Variants in FAAH2 observed in about 807,000 individuals in gnomAD.
FAAH2 encodes fatty-acid amide hydrolase 2.
In FAAH2, 60 loss-of-function variants were observed where a neutral mutation model predicts 36.9. The observed-to-expected ratio is 1.63, with a 90% CI of 1.32 to 2.02. The LOEUF (loss-of-function observed/expected upper bound fraction) is 2.02, where lower values mean the gene tolerates loss of function less well. FAAH2 is among the 30% of genes most tolerant of loss of function. The probability of loss-of-function intolerance (pLI) is 0.00; values close to 1 mark genes in which losing one functional copy is unlikely to be tolerated. For missense variants in FAAH2, 689 were observed against 397.5 expected (o/e 1.73, Z -6.23); for synonymous variants, 214 against 143.8 (o/e 1.49, Z -3.49).
At chrX:57,215,847 G>A in the FAAH2 span, among the ~76,000 whole-genome samples, 2 of 105,106 alleles carry the variant, frequency 1.9e-5, no homozygotes, top group East Asian at 6.1e-4. Context: ...AGAGCATCAG[G>A]ACAAATAGCT....
rs1334204785 is a variant in FAAH2 at position 57,441,156 on chromosome X, A to G, written c.1117-5772A>G. On this transcript the variant is annotated intron_variant, in intron 8 of 10. Coordinates refer to ENST00000374900, the MANE Select transcript of FAAH2 (RefSeq NM_174912.4). ...GGGAGGATTCCCTCTTTTTCTATTG[A>G]TTGGAATAGTTTCAGAGGGAATGGT... is the stretch of plus-strand genomic sequence containing the variant. 2.7e-5 allele frequency among the ~76,000 whole-genome samples: 3 copies of G among 111,433 alleles called. No homozygotes were observed. In the East Asian group the frequency reaches 8.4e-4, roughly 31 times the overall value.
At chrX:57,164,951 A>G in the FAAH2 span, among the ~76,000 whole-genome samples, 4 of 112,592 alleles carry the variant, frequency 3.6e-5, no homozygotes, top group South Asian at 3.6e-4. Context: ...CATAAGCATA[A>G]TAGCCATACG....
At chrX:57,208,186 G>A in the FAAH2 span, among the ~76,000 whole-genome samples, 1 of 112,310 alleles carries the variant, frequency 8.9e-6, no homozygotes, top group Non-Finnish European at 1.9e-5. Context: ...GAAAGATCTG[G>A]AGGGTCAGGC....
intron 7 of FAAH2, chrX:57,392,611 A>G (rs976632514): frequency 1.0e-5 from 8 of 794,644 alleles, no homozygotes; most frequent in Non-Finnish European, 1.1e-5. Flanking sequence ...CAGATTTTCA[A>G]AGTAGCTTCT....
At position 57,286,982 on chromosome X, in the gene FAAH2, G is replaced by C; in HGVS notation, c.157G>C (p.Gly53Arg). ...GACTGAACCATTGCTTCTGCTTTCG[G>C]GGATGCAGCTGGCCAAGCTGATCCG... ...PVTEPLLLLS[G>R]MQLAKLIRQR... The change falls in exon 1 of 11, where the codon GGG becomes CGG. Residue 53 changes from glycine to arginine, a missense_variant. Transcript: ENST00000374900. The C allele has an allele frequency of 8.3e-7, 1 of 1,200,120 alleles. No homozygotes were observed. Among genetic ancestry groups the C allele is most frequent in the Non-Finnish European group, 1.1e-6 (1 of 889,446 alleles).
the FAAH2 span, among the ~76,000 whole-genome samples, chrX:57,123,933 C>A: frequency 9.0e-6 from 1 of 111,391 alleles, no homozygotes; most frequent in Non-Finnish European, 1.9e-5. Flanking sequence ...ATTGCAAAAA[C>A]TTTCTCCCAT....
chrX:57,430,210 G>T (rs1040950499), intron 7 of FAAH2, among the ~76,000 whole-genome samples: 3 of 111,538 alleles, frequency 2.7e-5, no homozygotes, highest in African/African-American at 9.8e-5. Context: ...CACCTCTATT[G>T]TTCACCTGAC....
At chrX:57,207,178 T>C in the FAAH2 span, among the ~76,000 whole-genome samples, 4 of 111,286 alleles carry the variant, frequency 3.6e-5, no homozygotes, top group African/African-American at 1.3e-4. Flanking sequence ...CTTTCAGGGC[T>C]GTATGATTGC....
the FAAH2 span, among the ~76,000 whole-genome samples, chrX:57,163,758 G>C: frequency 9.7e-4 from 109 of 112,243 alleles, no homozygotes; most frequent in African/African-American, 3.4e-3. Flanking sequence ...TGCGCCCACT[G>C]TCTGGCACTA....
At chrX:57,185,718 C>A in the FAAH2 span, among the ~76,000 whole-genome samples, 3 of 109,667 alleles carry the variant, frequency 2.7e-5, no homozygotes, top group Non-Finnish European at 5.7e-5. Context: ...TTCCCCCCAC[C>A]CCCCAACAGG....
chrX:57,168,550 A>T, the FAAH2 span, among the ~76,000 whole-genome samples: 1 of 112,315 alleles, frequency 8.9e-6, no homozygotes, highest in Non-Finnish European at 1.9e-5. Context: ...AGAATAATAT[A>T]GCTTGTAACC....
the FAAH2 span, among the ~76,000 whole-genome samples, chrX:57,145,265 A>G: frequency 4.7e-5 from 5 of 107,128 alleles, no homozygotes; most frequent in Non-Finnish European, 9.5e-5. Flanking sequence ...GGGGGGGGTA[A>G]GGTGGTATTA....
chrX:57,343,959 A>T (rs1281133433), intron 5 of FAAH2, among the ~76,000 whole-genome samples: 1 of 110,737 alleles, frequency 9.0e-6, no homozygotes, highest in Non-Finnish European at 1.9e-5. Context: ...ATTCTGTTCC[A>T]TTGGTCTATA....
intron 7 of FAAH2, chrX:57,393,493 T>C: frequency 2.1e-6 from 2 of 962,424 alleles, no homozygotes; most frequent in African/African-American, 3.8e-5. Context: ...TGATCCGGTC[T>C]GCAATGATAG....
the FAAH2 span, among the ~76,000 whole-genome samples, chrX:57,173,898 C>T: frequency 9.0e-6 from 1 of 111,003 alleles, no homozygotes; most frequent in African/African-American, 3.3e-5. Context: ...TGAAACATTC[C>T]TGCATCCCTG....
chrX:57,167,997 C>T, the FAAH2 span, among the ~76,000 whole-genome samples: 1 of 111,097 alleles, frequency 9.0e-6, no homozygotes, highest in African/African-American at 3.3e-5. Context: ...AATTATAAAG[C>T]AAATTGTTCA....
chrX:57,246,845 C>G, the FAAH2 span, among the ~76,000 whole-genome samples: 1 of 111,384 alleles, frequency 9.0e-6, no homozygotes, highest in Non-Finnish European at 1.9e-5. Context: ...TGAGTTGTGA[C>G]TGCATCACTG....
intron 2 of FAAH2, among the ~76,000 whole-genome samples, chrX:57,296,347 G>A (rs1156583571): frequency 3.6e-5 from 4 of 111,949 alleles, no homozygotes; most frequent in Non-Finnish European, 5.6e-5. Flanking sequence ...AACAGGGTCT[G>A]CAGTGGACCT....
At chrX:57,340,162 G>C (rs1190016265) in intron 4 of FAAH2, among the ~76,000 whole-genome samples, 1 of 111,860 alleles carries the variant, frequency 8.9e-6, no homozygotes. Context: ...AAAAGCTGAA[G>C]AACTTGGGGT....
Sources: allele counts gnomAD v4.1 joint callset (sites outside exome capture counted in the v4.1 genomes callset), GRCh38; gene constraint gnomAD v4.1.1; transcripts MANE v1.5; gene names NCBI Gene and HGNC (gene_info 2026-07-23, HGNC 2026-07-21).